HIPK2: variants seen among roughly 807,000 people sequenced by gnomAD.
HIPK2 encodes the protein homeodomain interacting protein kinase 2.
A neutral mutation model predicts 113.7 loss-of-function variants in HIPK2; 27 were observed. That is an observed-to-expected ratio of 0.24 (90% CI 0.17 to 0.33). HIPK2 has a LOEUF of 0.33. Ranked by LOEUF, HIPK2 falls within the 10% of genes least tolerant of loss-of-function variation. HIPK2 has a pLI of 1.00. For missense variants in HIPK2, 1,257 were observed against 1,588.0 expected (o/e 0.79, Z 3.54); for synonymous variants, 631 against 642.2 (o/e 0.98, Z 0.26).
chr7:139,777,257 G>C (rs1796785825), intron 1 of HIPK2: 3 of 152,932 alleles, frequency 2.0e-5, no homozygotes, highest in African/African-American at 7.2e-5. Context: ...GTGGGGGGGC[G>C]GTGGAAGCTA....
rs1798069145 is a variant in HIPK2, at chr7:139,565,702, TTC to T, written c.*7223_*7224del. 1 of 151,398 alleles carries T rather than the reference TTC, an allele frequency of 6.6e-6. No individual in the cohort carries two copies. Among genetic ancestry groups the T allele is most frequent in the Non-Finnish European group, 1.5e-5 (1 of 67,912 alleles). 9.4% of individuals were successfully genotyped at this position (151,398 alleles called of 1,614,324 possible). ...AGTCTTGTCTTTCTTCCACCTCTACTTCTTTTTTTTTTTCTTTTTTTTTTCTT... is the reference window on the plus strand; with the variant it reads ...AGTCTTGTCTTTCTTCCACCTCTACTTTTTTTTTTTTCTTTTTTTTTTCTT... On this transcript the variant is annotated 3_prime_UTR_variant, in exon 15 of 15. Transcript: ENST00000406875.
rs1795229337 is a variant in HIPK2 at position 139,716,151 on chromosome 7, G to T, written c.884C>A (p.Pro295His). Reference protein sequence around the residue: ...YDFLKQNKFSPLPLKYIRPVL... With the variant: ...YDFLKQNKFSHLPLKYIRPVL... ...TGGGCGAATGTATTTGAGGGGCAAG[G>T]GGCTAAACTTGTTTTGCTTCAGAAA... is the stretch of plus-strand genomic sequence containing the variant. Residue 295 changes from proline to histidine, a missense_variant, in exon 2 of 15, where the codon CCC becomes CAC. Transcript: ENST00000406875. The surrounding 1 kb of genome is among the most constrained non-coding windows in gnomAD (Gnocchi z 9.3). The T allele has an allele frequency of 6.2e-7, 1 of 1,614,016 alleles. No individual in the cohort carries two copies. Among genetic ancestry groups the T allele is most frequent in the Non-Finnish European group, 8.5e-7 (1 of 1,179,906 alleles).
chr7:139,720,538 CAAGTCAACATCCCCCTTATTCT>C (rs1465453858), intron 1 of HIPK2, among the ~76,000 whole-genome samples: 9 of 152,314 alleles, frequency 5.9e-5, no homozygotes, highest in South Asian at 2.1e-4. Context: ...TCTTTTTGTT[CAAGTCAACATCCCCCTTATTCT>C]AAGTCAACAT....
intron 2 of HIPK2, among the ~76,000 whole-genome samples, chr7:139,643,916 C>G (rs1175242342): frequency 6.6e-6 from 1 of 152,190 alleles, no homozygotes; most frequent in Non-Finnish European, 1.5e-5. Context: ...ATCCCCCAAT[C>G]TGGTCTCTGG....
intron 2 of HIPK2, among the ~76,000 whole-genome samples, chr7:139,694,167 G>A (rs1446713984): frequency 2.0e-5 from 3 of 152,120 alleles, no homozygotes; most frequent in South Asian, 4.1e-4. Context: ...GATGCACTTC[G>A]AATTAGCAAA....
chr7:139,716,814 G>A lies in HIPK2; in HGVS notation c.221C>T (p.Pro74Leu). 1.2e-6 allele frequency: 2 copies of A among 1,613,916 alleles called. No homozygotes were observed. The highest frequency in any genetic ancestry group is 8.5e-7 in the Non-Finnish European group (1 of 1,179,862). ...TTTVSTSLPV[P>L]NPSLPYEQTI... Reference sequence around the variant, plus strand: ...CTGCTCGTAAGGTAGGCTTGGGTTTGGGACCGGCAAGGAGGTGCTGACGGT... The same window carrying A: ...CTGCTCGTAAGGTAGGCTTGGGTTTAGGACCGGCAAGGAGGTGCTGACGGT... The change falls in exon 2 of 15, where the codon CCA becomes CTA. Residue 74 changes from proline to leucine, a missense_variant. Transcript: ENST00000406875. The surrounding 1 kb of genome is among the most constrained non-coding windows in gnomAD (Gnocchi z 9.3).
intron 2 of HIPK2, among the ~76,000 whole-genome samples, chr7:139,634,966 C>T (rs977290799): frequency 1.3e-5 from 2 of 152,110 alleles, no homozygotes. Flanking sequence ...GCAGGAGCCA[C>T]CATACCTGGC....
chr7:139,731,337 C>T (rs1795774373), intron 1 of HIPK2, among the ~76,000 whole-genome samples: 1 of 152,220 alleles, frequency 6.6e-6, no homozygotes, highest in Admixed American at 6.5e-5. Context: ...GGGCACTATA[C>T]ACCTCCTCTC....
At chr7:139,603,367 G>A (rs913875946) in intron 10 of HIPK2, among the ~76,000 whole-genome samples, 1 of 152,120 alleles carries the variant, frequency 6.6e-6, no homozygotes, top group Non-Finnish European at 1.5e-5. Flanking sequence ...GTGTTCGGGG[G>A]AAGGTACAAG....
At chr7:139,699,131 G>T (rs1794639451) in intron 2 of HIPK2, among the ~76,000 whole-genome samples, 1 of 152,106 alleles carries the variant, frequency 6.6e-6, no homozygotes, top group Non-Finnish European at 1.5e-5. Flanking sequence ...AGCTTGGGCA[G>T]CAAGAACCGT....
At chr7:139,738,515 C>G (rs1320043980) in intron 1 of HIPK2, among the ~76,000 whole-genome samples, 1 of 152,034 alleles carries the variant, frequency 6.6e-6, no homozygotes, top group Admixed American at 6.6e-5. Flanking sequence ...TGGATGGTGC[C>G]GGAATAAAGC....
At position 139,631,487 on chromosome 7, in the gene HIPK2, C is replaced by T. The variant is rs10226879; in HGVS notation, c.1227+115G>A. The T allele has an allele frequency of 3.4e-3, 4,986 of 1,481,474 alleles. 139 individuals are homozygous for T. The African/African-American group carries it at 0.06, about 18-fold the overall frequency. 91.8% of individuals were successfully genotyped at this position (1,481,474 alleles called of 1,614,324 possible). ...GTTAAGGGAAGCAAGGTTTGGGAGACAACGTGACATTCCACAGTCCCGCCC... is the reference window on the plus strand; with the variant it reads ...GTTAAGGGAAGCAAGGTTTGGGAGATAACGTGACATTCCACAGTCCCGCCC... On this transcript the variant is annotated intron_variant, in intron 3 of 14. Coordinates refer to ENST00000406875, the MANE Select transcript of HIPK2 (RefSeq NM_022740.5). The surrounding 1 kb of genome is among the most constrained non-coding windows in gnomAD (Gnocchi z 4.9).
At chr7:139,718,365 G>A (rs1795309496) in intron 1 of HIPK2, among the ~76,000 whole-genome samples, 1 of 152,176 alleles carries the variant, frequency 6.6e-6, no homozygotes, top group South Asian at 2.1e-4. Context: ...ATTACCTAGA[G>A]TGGTAATCCT....
intron 2 of HIPK2, among the ~76,000 whole-genome samples, chr7:139,665,213 T>A (rs541831810): frequency 2.0e-5 from 3 of 152,220 alleles, no homozygotes; most frequent in African/African-American, 7.2e-5. Context: ...GATTTTTGAA[T>A]TTTTTACAGA....
intron 2 of HIPK2, among the ~76,000 whole-genome samples, chr7:139,675,324 G>A (rs1287662902): frequency 6.6e-6 from 1 of 151,402 alleles, no homozygotes; most frequent in Non-Finnish European, 1.5e-5. Context: ...TCAGGGTACT[G>A]ACAGGTTGTG....
Position 139,564,238 on chromosome 7 carries a change from C to T in HIPK2, c.*8689G>A, listed in dbSNP as rs1798028290. The T allele has an allele frequency of 3.5e-6, 1 of 284,792 alleles. No individual in the cohort carries two copies. Among genetic ancestry groups the T allele is most frequent in the East Asian group, 5.7e-5 (1 of 17,516 alleles). The allele number at this position is 284,792 out of a possible 1,614,324, so 17.6% of individuals were successfully genotyped here. ...AATGACAGCAGATATATGGAAAACC[C>T]AGCCAGCGACCATGGGAATAGGGGT... On this transcript the variant is annotated 3_prime_UTR_variant, in exon 15 of 15. Transcript: ENST00000406875.
At chr7:139,624,598 G>A (rs903789647) in intron 6 of HIPK2, among the ~76,000 whole-genome samples, 4 of 152,104 alleles carry the variant, frequency 2.6e-5, no homozygotes, top group African/African-American at 9.7e-5. Flanking sequence ...TCCTCCATCT[G>A]GCTCATTCCA....
intron 1 of HIPK2, among the ~76,000 whole-genome samples, chr7:139,729,758 T>C (rs1298803585): frequency 6.6e-6 from 1 of 152,160 alleles, no homozygotes; most frequent in Non-Finnish European, 1.5e-5. Flanking sequence ...TCCATTTAAA[T>C]CCACATTTTT....
At chr7:139,638,325 G>A (rs866308371) in intron 2 of HIPK2, among the ~76,000 whole-genome samples, 1 of 152,060 alleles carries the variant, frequency 6.6e-6, no homozygotes, top group Non-Finnish European at 1.5e-5. Flanking sequence ...GATACAGCCT[G>A]CTCCCCTCCC....
Sources: allele counts gnomAD v4.1 joint callset (sites outside exome capture counted in the v4.1 genomes callset), GRCh38; gene constraint gnomAD v4.1.1; non-coding constraint Gnocchi (gnomAD v3.1); transcripts MANE v1.5; gene names NCBI Gene and HGNC (gene_info 2026-07-23, HGNC 2026-07-21).